The following FAT4 variants were observed in gnomAD, a reference collection of about 807,000 sequenced individuals.
FAT4 encodes FAT atypical cadherin 4.
Under a neutral mutation model 303.9 loss-of-function variants are expected in FAT4, and 84 were observed. The ratio of observed to expected loss-of-function variants is 0.28; its 90% CI spans 0.23 to 0.33. The LOEUF is 0.33. FAT4 is among the 10% of genes least tolerant of loss of function. FAT4 has a pLI of 1.00. For synonymous variants in FAT4, 2,307 were observed against 2,298.8 expected (o/e 1.00, Z -0.10); for missense variants, 6,005 against 6,146.8 (o/e 0.98, Z 0.77).
At chr4:125,421,512 C>G (rs1167138038) in intron 7 of FAT4, among the ~76,000 whole-genome samples, 1 of 152,024 alleles carries the variant, frequency 6.6e-6, no homozygotes, top group African/African-American at 2.4e-5. Context: ...TGAGATTATA[C>G]CCTCAAAAAT....
At chr4:125,420,939 G>A (rs1724849111) in intron 7 of FAT4, among the ~76,000 whole-genome samples, 1 of 152,074 alleles carries the variant, frequency 6.6e-6, no homozygotes, top group African/African-American at 2.4e-5. Context: ...TTGTTTGTTT[G>A]TTTGTTTTGG....
intron 14 of FAT4, 120 bp downstream of exon 14, chr4:125,477,454 T>A (rs1375723763): frequency 1.1e-6 from 1 of 931,360 alleles, no homozygotes; most frequent in Non-Finnish European, 1.5e-6. Context: ...ATGATTTACA[T>A]TGTTTTGAAT....
chr4:125,486,833 A>C (rs1727427519), intron 16 of FAT4, among the ~76,000 whole-genome samples: 1 of 152,134 alleles, frequency 6.6e-6, no homozygotes, highest in Non-Finnish European at 1.5e-5. Flanking sequence ...ATTTTTTCCT[A>C]AAATTTGTGT....
At chr4:125,367,340 T>C (rs2125989121) in intron 2 of FAT4, among the ~76,000 whole-genome samples, 1 of 152,218 alleles carries the variant, frequency 6.6e-6, no homozygotes, top group African/African-American at 2.4e-5. Context: ...AAACATTCTA[T>C]GAAACATCAC....
In FAT4 at chr4:125,490,467, A is replaced by C; in HGVS notation, c.13651A>C (p.Lys4551Gln). 3 of 1,614,086 alleles carry C rather than the reference A, an allele frequency of 1.9e-6. No homozygotes were observed. Among genetic ancestry groups the C allele is most frequent in the Non-Finnish European group, 2.5e-6 (3 of 1,180,016 alleles). ...GAAGAAACCGAAGGAGAAGAAGAAAAAGGGAAGTGAGAACGTTGCTTTTGA... is the reference window on the plus strand; with the variant it reads ...GAAGAAACCGAAGGAGAAGAAGAAACAGGGAAGTGAGAACGTTGCTTTTGA... ...EEKKPKEKKK[K>Q]GSENVAFDDP... The change falls in exon 18 of 18, where the codon AAG becomes CAG. Residue 4551 changes from lysine (K) to glutamine (Q), a missense_variant. Physicochemically the swap from Lys to Gln is moderately conservative, Grantham distance 53. Coordinates refer to ENST00000394329, the MANE Select transcript of FAT4 (RefSeq NM_001291303.3).
At chr4:125,439,454 T>C (rs1188294061) in intron 8 of FAT4, among the ~76,000 whole-genome samples, 2 of 151,522 alleles carry the variant, frequency 1.3e-5, no homozygotes, top group African/African-American at 4.8e-5. Context: ...TGTCTCAGCC[T>C]CCTGAGTAGC....
intron 3 of FAT4, among the ~76,000 whole-genome samples, chr4:125,400,762 C>G (rs1450326999): frequency 6.6e-6 from 1 of 151,674 alleles, no homozygotes; most frequent in Non-Finnish European, 1.5e-5. Flanking sequence ...CTTAGACATG[C>G]TAGTTAAGAA....
intron 2 of FAT4, among the ~76,000 whole-genome samples, chr4:125,379,820 T>TC (rs2125997758): frequency 7.6e-6 from 1 of 131,330 alleles, no homozygotes; most frequent in East Asian, 2.1e-4. Flanking sequence ...CCTTGTATAT[T>TC]CTAAAAAAAA....
chr4:125,488,022 A>G (rs569286021), intron 17 of FAT4, among the ~76,000 whole-genome samples: 1 of 152,362 alleles, frequency 6.6e-6, no homozygotes, highest in East Asian at 1.9e-4. Context: ...AAGTAACTGC[A>G]TTATTCTAAT....
chr4:125,318,743 A>C lies in FAT4; in HGVS notation c.2332A>C (p.Ile778Leu). The C allele has an allele frequency of 1.2e-6, 2 of 1,614,050 alleles. No individual in the cohort carries two copies. The highest frequency in any genetic ancestry group is 1.7e-6 in the Non-Finnish European group (2 of 1,179,932). The change falls in exon 2 of 18, where the codon ATA becomes CTA. Residue 778 changes from isoleucine to leucine, a missense_variant. Physicochemically the swap from Ile to Leu is conservative, Grantham distance 5 (BLOSUM62 2). Transcript: ENST00000394329. ...GGNLQSPNQAIVTITVLDTQD... is the reference protein window; with the variant it reads ...GGNLQSPNQALVTITVLDTQD... ...CAATTTACAATCTCCCAACCAGGCAATAGTAACCATCACTGTATTGGACAC... is the reference window on the plus strand; with the variant it reads ...CAATTTACAATCTCCCAACCAGGCACTAGTAACCATCACTGTATTGGACAC...
At chr4:125,474,126 C>T (rs949190394) in intron 12 of FAT4, among the ~76,000 whole-genome samples, 2 of 152,024 alleles carry the variant, frequency 1.3e-5, no homozygotes, top group Non-Finnish European at 2.9e-5. Flanking sequence ...TAAAATAAAA[C>T]ATCTCCTCCA....
chr4:125,363,358 C>G lies in FAT4; in HGVS notation c.5176-35426C>G, dbSNP rs544167801. Among the ~76,000 whole-genome samples the G allele has an allele frequency of 2.0e-5, 3 of 151,876 alleles. No individual in the cohort carries two copies. The East Asian group carries it at 5.8e-4, about 29-fold the overall frequency. On this transcript the variant is annotated intron_variant, in intron 2 of 17. Coordinates refer to ENST00000394329, the MANE Select transcript of FAT4 (RefSeq NM_001291303.3). ...TAATATTTGTATTCAGCTATAATTC[C>G]TCCTGATTTGCTCCTCGTTTTAGAG...
chr4:125,428,090 G>T (rs1021778235), intron 7 of FAT4, among the ~76,000 whole-genome samples: 6 of 152,020 alleles, frequency 3.9e-5, no homozygotes, highest in African/African-American at 1.2e-4. Flanking sequence ...TTGAGGTCAG[G>T]AGTTCGAGAC....
At position 125,491,267 on chromosome 4, in the gene FAT4, A is replaced by G; in HGVS notation, c.14451A>G (p.Ser4817=). 6.2e-7 allele frequency: 1 copy of G among 1,614,168 alleles called. No individual in the cohort carries two copies. The highest frequency in any genetic ancestry group is 8.5e-7 in the Non-Finnish European group (1 of 1,180,024). The part of the protein sequence containing the change: ...ICSADHGRSS[S]EEDCRRPLSR... Reference sequence around the variant, plus strand: ...GTGCAGACCATGGGAGGTCTTCTTCAGAGGAGGACTGCAGAAGGCCACTGT... The same window carrying G: ...GTGCAGACCATGGGAGGTCTTCTTCGGAGGAGGACTGCAGAAGGCCACTGT... The change falls in exon 18 of 18, where the codon TCA becomes TCG. Residue 4817 remains serine (S), a synonymous_variant. Coordinates refer to ENST00000394329, the MANE Select transcript of FAT4 (RefSeq NM_001291303.3).
intron 10 of FAT4, among the ~76,000 whole-genome samples, chr4:125,461,219 C>T (rs1726471115): frequency 6.6e-6 from 1 of 151,834 alleles, no homozygotes. Flanking sequence ...ATATTTTATA[C>T]AGGGTTAAAT....
At chr4:125,393,362 C>G (rs1311715056) in intron 2 of FAT4, among the ~76,000 whole-genome samples, 1 of 152,078 alleles carries the variant, frequency 6.6e-6, no homozygotes, top group Non-Finnish European at 1.5e-5. Context: ...CTATTTTAGT[C>G]ATTTCCTTTA....
chr4:125,426,377 A>G (rs960288148), intron 7 of FAT4, among the ~76,000 whole-genome samples: 2 of 152,016 alleles, frequency 1.3e-5, no homozygotes, highest in African/African-American at 2.4e-5. Context: ...ATTACCAGAC[A>G]TGAAATGCAT....
chr4:125,387,754 T>G (rs1733810436), intron 2 of FAT4, among the ~76,000 whole-genome samples: 1 of 152,172 alleles, frequency 6.6e-6, no homozygotes, highest in Admixed American at 6.5e-5. Flanking sequence ...ATACAACAGA[T>G]CAATATACAT....
Position 125,487,587 on chromosome 4 carries a change from A to G in FAT4, c.13065A>G (p.Ala4355=), listed in dbSNP as rs150038254. ...TTGGAGGAATTCCACCCAATCAAGC[A>G]CATCGAGATGCCCAAACAGGTAAAT... ...ISLGGIPPNQ[A]HRDAQTAGFD... Residue 4355 remains alanine, a synonymous_variant, in exon 17 of 18, where the codon GCA becomes GCG. Transcript: ENST00000394329. The G allele has an allele frequency of 3.1e-6, 5 of 1,609,400 alleles. No individual in the cohort carries two copies. The highest frequency in any genetic ancestry group is 1.7e-4 in the Middle Eastern group (1 of 6,056).
Sources: gnomAD v4.1 joint callset for allele counts (sites outside exome capture counted in the v4.1 genomes callset) on GRCh38, gnomAD v4.1.1 for gene constraint, MANE v1.5 for transcripts, NCBI Gene and HGNC (gene_info 2026-07-23, HGNC 2026-07-21) for gene names.